ZRANB3: variants seen among roughly 807,000 people sequenced by gnomAD.
ZRANB3 encodes zinc finger RANBP2-type containing 3.
Under a neutral mutation model 133.8 loss-of-function variants are expected in ZRANB3, and 125 were observed. That is an observed-to-expected ratio of 0.93 (90% CI 0.81 to 1.08). ZRANB3 has a LOEUF of 1.08. Ranked by LOEUF, ZRANB3 falls within the 50% of genes least tolerant of loss-of-function variation. ZRANB3 has a pLI of 0.00. For missense variants in ZRANB3, 1,229 were observed against 1,275.5 expected, an observed-to-expected ratio of 0.96 and a Z score of 0.56; for synonymous variants, 387 against 432.7, an observed-to-expected ratio of 0.89 and a Z score of 1.31.
At chr2:135,204,654 T>C (rs868519281) in intron 19 of ZRANB3, among the ~76,000 whole-genome samples, 2 of 140,608 alleles carry the variant, frequency 1.4e-5, no homozygotes, top group Non-Finnish European at 3.0e-5. Context: ...AAAAAAAATA[T>C]ATATATATAC....
chr2:135,384,419 T>G lies in ZRANB3; in HGVS notation c.180+6383A>C, dbSNP rs190395112. On this transcript the variant is annotated intron_variant, in intron 3 of 20. Transcript: ENST00000264159. ...CAGCCGAATTCTACCAGAGGTACAA[T>G]GAGGAGCTGGTACCATTCCTTCTGA... Among the ~76,000 whole-genome samples, 611 of 152,136 alleles carry G rather than the reference T, an allele frequency of 4.0e-3. 16 individuals are homozygous for G. Among genetic ancestry groups the G allele is most frequent in the Admixed American group, 0.034 (519 of 15,274 alleles).
chr2:135,364,846 CGA>C (rs1346630235), intron 3 of ZRANB3, among the ~76,000 whole-genome samples: 3 of 150,488 alleles, frequency 2.0e-5, no homozygotes. Context: ...GTCAGGAGTT[CGA>C]GACCAGCCTG....
At chr2:135,386,268 T>C (rs1306218699) in intron 3 of ZRANB3, among the ~76,000 whole-genome samples, 1 of 152,118 alleles carries the variant, frequency 6.6e-6, no homozygotes, top group Non-Finnish European at 1.5e-5. Context: ...TCATCAGAGA[T>C]ATGCAAATCA....
At chr2:135,340,573 A>C (rs1334064893) in intron 6 of ZRANB3, among the ~76,000 whole-genome samples, 5 of 152,038 alleles carry the variant, frequency 3.3e-5, no homozygotes, top group African/African-American at 1.2e-4. Context: ...TGGCCGGGTG[A>C]GGTGGCTCAC....
intron 11 of ZRANB3, among the ~76,000 whole-genome samples, chr2:135,268,112 C>T (rs1370336787): frequency 1.3e-5 from 2 of 152,102 alleles, no homozygotes; most frequent in Non-Finnish European, 2.9e-5. Context: ...TAGATTGGTA[C>T]TTTGTTATGG....
At chr2:135,425,271 A>T (rs2104973847) in intron 2 of ZRANB3, among the ~76,000 whole-genome samples, 1 of 152,336 alleles carries the variant, frequency 6.6e-6, no homozygotes, top group South Asian at 2.1e-4. Context: ...GCTACGCAGC[A>T]TACCCAGCAA....
chr2:135,214,013 C>T (rs1694206581), intron 17 of ZRANB3, among the ~76,000 whole-genome samples: 1 of 152,266 alleles, frequency 6.6e-6, no homozygotes, highest in Admixed American at 6.5e-5. Flanking sequence ...CTCAGTCCTA[C>T]AACTGCAAGG....
At chr2:135,518,208 G>C (rs1046567711) in intron 1 of ZRANB3, among the ~76,000 whole-genome samples, 3 of 152,088 alleles carry the variant, frequency 2.0e-5, no homozygotes, top group African/African-American at 4.8e-5. Flanking sequence ...CCATGGGGTG[G>C]GATCTGCTGA....
intron 2 of ZRANB3, among the ~76,000 whole-genome samples, chr2:135,431,384 T>TG (rs1354920366): frequency 6.6e-6 from 1 of 151,196 alleles, no homozygotes; most frequent in East Asian, 1.9e-4. Flanking sequence ...ATATAATTTA[T>TG]GTATTTACAT....
chr2:135,200,499 C>T, intron 20 of ZRANB3, 59 bp from the exon 21 acceptor site: 1 of 1,349,126 alleles, frequency 7.4e-7, no homozygotes, highest in Non-Finnish European at 1.0e-6. Flanking sequence ...GCTACAAAAG[C>T]TCAAAAACTC....
intron 1 of ZRANB3, among the ~76,000 whole-genome samples, chr2:135,507,874 C>T (rs1693264577): frequency 6.6e-6 from 1 of 151,594 alleles, no homozygotes; most frequent in Non-Finnish European, 1.5e-5. Flanking sequence ...CTGCTTGAGC[C>T]CAGGAATTTG....
At chr2:135,291,626 G>C (rs910691329) in intron 8 of ZRANB3, among the ~76,000 whole-genome samples, 1 of 149,402 alleles carries the variant, frequency 6.7e-6, no homozygotes, top group African/African-American at 2.5e-5. Flanking sequence ...TTAAGTTTTA[G>C]GGTACATGTG....
At chr2:135,429,930 C>A (rs1184107664) in intron 2 of ZRANB3, among the ~76,000 whole-genome samples, 1 of 152,134 alleles carries the variant, frequency 6.6e-6, no homozygotes, top group African/African-American at 2.4e-5. Flanking sequence ...TGTCTATAAT[C>A]CCAGCACTTT....
chr2:135,389,160 G>A (rs1331100347), intron 3 of ZRANB3, among the ~76,000 whole-genome samples: 2 of 152,106 alleles, frequency 1.3e-5, no homozygotes, highest in Non-Finnish European at 2.9e-5. Context: ...AAAAATTTCT[G>A]TTTATTGTTT....
chr2:135,249,426 T>C (rs1176138635), intron 12 of ZRANB3, among the ~76,000 whole-genome samples: 1 of 152,234 alleles, frequency 6.6e-6, no homozygotes, highest in Non-Finnish European at 1.5e-5. Flanking sequence ...TAAAAAAGAA[T>C]GATATAACGT....
intron 2 of ZRANB3, among the ~76,000 whole-genome samples, chr2:135,403,845 C>T (rs1367237849): frequency 6.6e-6 from 1 of 152,232 alleles, no homozygotes; most frequent in Non-Finnish European, 1.5e-5. Flanking sequence ...CAAACAGGGC[C>T]TGGAGTGGAC....
intron 2 of ZRANB3, among the ~76,000 whole-genome samples, chr2:135,421,870 T>C (rs1688859375): frequency 6.6e-6 from 1 of 151,278 alleles, no homozygotes; most frequent in Non-Finnish European, 1.5e-5. Flanking sequence ...TCTTGAATAC[T>C]TTTATTTCTT....
At chr2:135,239,875 T>C (rs575161633) in intron 12 of ZRANB3, among the ~76,000 whole-genome samples, 9 of 151,914 alleles carry the variant, frequency 5.9e-5, no homozygotes, top group African/African-American at 1.9e-4. Context: ...TCCCAGCTAC[T>C]TGGGAGACTG....
At chr2:135,403,872 C>A (rs527346271) in intron 2 of ZRANB3, among the ~76,000 whole-genome samples, 36 of 152,364 alleles carry the variant, frequency 2.4e-4, no homozygotes, top group Non-Finnish European at 2.8e-4. Context: ...CAAACTCCAA[C>A]AGACCTGCAG....
Sources: allele counts gnomAD v4.1 joint callset (sites outside exome capture counted in the v4.1 genomes callset), GRCh38; gene constraint gnomAD v4.1.1; transcripts MANE v1.5; gene names NCBI Gene and HGNC (gene_info 2026-07-23, HGNC 2026-07-21).